Variants in CSMD1 observed in about 807,000 individuals in gnomAD.
CSMD1 encodes CUB and Sushi multiple domains 1.
In CSMD1, 213 loss-of-function variants were observed where a neutral mutation model predicts 417.5. That is an observed-to-expected ratio of 0.51 (90% CI 0.46 to 0.57). The LOEUF (loss-of-function observed/expected upper bound fraction) is 0.57, where lower values mean the gene tolerates loss of function less well. CSMD1 is among the 20% of genes least tolerant of loss of function. The pLI is 0.00. For missense variants in CSMD1, 6,923 were observed against 4,529.7 expected (o/e 1.53, Z -15.17); for synonymous variants, 2,862 against 1,736.8 (o/e 1.65, Z -16.11).
chr8:4,102,513 C>A (rs192707736), intron 3 of CSMD1, among the ~76,000 whole-genome samples: 1 of 152,182 alleles, frequency 6.6e-6, no homozygotes, highest in South Asian at 2.1e-4. Flanking sequence ...GAAAACTTAG[C>A]GACAATGGGG....
At chr8:3,804,778 GA>G (rs1171498089) in intron 5 of CSMD1, among the ~76,000 whole-genome samples, 1 of 152,278 alleles carries the variant, frequency 6.6e-6, no homozygotes, top group East Asian at 1.9e-4. Flanking sequence ...AGCTGAGAAA[GA>G]AAATATGTTT....
chr8:4,613,754 A>T (rs1801316387), intron 2 of CSMD1, among the ~76,000 whole-genome samples: 1 of 151,956 alleles, frequency 6.6e-6, no homozygotes, highest in Admixed American at 6.6e-5. Context: ...ATCTTTAACA[A>T]ACTCTTTCTC....
At chr8:4,029,577 C>A (rs1028230877) in intron 4 of CSMD1, among the ~76,000 whole-genome samples, 2 of 152,090 alleles carry the variant, frequency 1.3e-5, no homozygotes, top group Non-Finnish European at 2.9e-5. Flanking sequence ...GGCTTCCTCC[C>A]ACATGTGAGA....
intron 7 of CSMD1, among the ~76,000 whole-genome samples, chr8:3,619,929 C>G (rs1449815498): frequency 2.0e-5 from 3 of 152,054 alleles, no homozygotes; most frequent in African/African-American, 7.2e-5. Context: ...TAGTGAAACC[C>G]CATTTCTACT....
intron 1 of CSMD1, among the ~76,000 whole-genome samples, chr8:4,868,167 T>A (rs1802525985): frequency 6.6e-6 from 1 of 152,138 alleles, no homozygotes; most frequent in African/African-American, 2.4e-5. Flanking sequence ...GAGAATTAAA[T>A]AAATTTACAT....
At chr8:3,256,238 A>C (rs1800641819) in intron 26 of CSMD1, among the ~76,000 whole-genome samples, 2 of 149,722 alleles carry the variant, frequency 1.3e-5, no homozygotes. Flanking sequence ...GAGGCAGGAG[A>C]ATTGCTTGAA....
At chr8:4,730,554 C>T (rs1414289723) in intron 1 of CSMD1, among the ~76,000 whole-genome samples, 2 of 151,942 alleles carry the variant, frequency 1.3e-5, no homozygotes, top group South Asian at 2.1e-4. Flanking sequence ...TCCTGGCTAA[C>T]ACGGTGAAAC....
At chr8:4,392,072 G>A (rs566539543) in intron 3 of CSMD1, among the ~76,000 whole-genome samples, 2 of 152,304 alleles carry the variant, frequency 1.3e-5, no homozygotes, top group South Asian at 4.1e-4. Context: ...GACACCATGG[G>A]TCTGCAGCTG....
intron 5 of CSMD1, among the ~76,000 whole-genome samples, chr8:3,884,583 G>A (rs1806426735): frequency 6.6e-6 from 1 of 152,104 alleles, no homozygotes; most frequent in Non-Finnish European, 1.5e-5. Context: ...ACATACACAT[G>A]GAAACATCGG....
chr8:4,544,453 C>G (rs1187034548), intron 2 of CSMD1, among the ~76,000 whole-genome samples: 1 of 152,002 alleles, frequency 6.6e-6, no homozygotes, highest in African/African-American at 2.4e-5. Flanking sequence ...GTAGTTTACT[C>G]TTTCCTTGTA....
intron 5 of CSMD1, among the ~76,000 whole-genome samples, chr8:3,933,581 T>C (rs1042289573): frequency 3.3e-5 from 5 of 152,082 alleles, no homozygotes; most frequent in Non-Finnish European, 7.4e-5. Context: ...TGAGAAAATA[T>C]AGGAGTGTGT....
At chr8:4,220,625 A>G (rs560494085) in intron 3 of CSMD1, among the ~76,000 whole-genome samples, 2 of 152,320 alleles carry the variant, frequency 1.3e-5, no homozygotes, top group African/African-American at 2.4e-5. Flanking sequence ...GACCAGTGGT[A>G]TATTTTGGAG....
Position 2,963,207 on chromosome 8 carries a change from T to C in CSMD1, c.9454+15A>G. 6.2e-7 allele frequency: 1 copy of C among 1,613,200 alleles called. No individual in the cohort carries two copies. The highest frequency in any genetic ancestry group is 2.2e-5 in the East Asian group (1 of 44,858). ...GACCTGCAGTGGGCGGAACAAATTC[T>C]GCTGTAGAACTTACGGAGACACTGG... On this transcript the variant is annotated intron_variant, in intron 60 of 69. Coordinates refer to ENST00000635120, the MANE Select transcript of CSMD1 (RefSeq NM_033225.6).
chr8:3,893,198 G>T (rs1030928598), intron 5 of CSMD1, among the ~76,000 whole-genome samples: 1 of 151,344 alleles, frequency 6.6e-6, no homozygotes, highest in Non-Finnish European at 1.5e-5. Context: ...GGGCACGTCA[G>T]AAATAAAGTG....
intron 54 of CSMD1, among the ~76,000 whole-genome samples, chr8:2,986,690 G>T (rs1805940099): frequency 6.6e-6 from 1 of 151,986 alleles, no homozygotes; most frequent in African/African-American, 2.4e-5. Context: ...ATTTTTAGTA[G>T]AGACGGGTTT....
chr8:3,238,838 G>C (rs528874134), intron 26 of CSMD1, among the ~76,000 whole-genome samples: 2 of 152,270 alleles, frequency 1.3e-5, no homozygotes, highest in Admixed American at 1.3e-4. Context: ...GGTTGGGGAT[G>C]GCACCAAGAG....
At chr8:3,988,898 G>T (rs1352982199) in intron 5 of CSMD1, among the ~76,000 whole-genome samples, 2 of 152,136 alleles carry the variant, frequency 1.3e-5, no homozygotes, top group Admixed American at 6.5e-5. Context: ...ACCAAAGTAA[G>T]ATCAATGTTT....
chr8:3,770,156 G>A (rs1204103594), intron 5 of CSMD1, among the ~76,000 whole-genome samples: 1 of 152,176 alleles, frequency 6.6e-6, no homozygotes, highest in African/African-American at 2.4e-5. Context: ...TGCAGCCCTG[G>A]CCTATGCCAC....
intron 2 of CSMD1, among the ~76,000 whole-genome samples, chr8:4,542,151 T>C (rs1488993118): frequency 6.6e-6 from 1 of 152,158 alleles, no homozygotes; most frequent in East Asian, 1.9e-4. Context: ...CTATACTGAA[T>C]CCACATTCTT....
Sources: gnomAD v4.1 joint callset for allele counts (sites outside exome capture counted in the v4.1 genomes callset) on GRCh38, gnomAD v4.1.1 for gene constraint, MANE v1.5 for transcripts, NCBI Gene and HGNC (gene_info 2026-07-23, HGNC 2026-07-21) for gene names.